The following SMAP1 variants were observed in gnomAD, a reference collection of about 807,000 sequenced individuals.
The protein encoded by SMAP1 is small ArfGAP 1.
SMAP1 carries 24 observed loss-of-function variants against 58.5 expected under a neutral mutation model. That is an observed-to-expected ratio of 0.41 (90% CI 0.30 to 0.58). The LOEUF is 0.58. SMAP1 is among the 20% of genes least tolerant of loss of function. SMAP1 has a pLI of 0.29. For missense variants in SMAP1, 563 were observed against 566.3 expected, an observed-to-expected ratio of 0.99 and a Z score of 0.06; for synonymous variants, 216 against 196.6, an observed-to-expected ratio of 1.10 and a Z score of -0.82.
In SMAP1 at chr6:70,712,072, T is replaced by C. The variant is rs181414926; in HGVS notation, c.119-20306T>C. 3.0e-3 allele frequency among the ~76,000 whole-genome samples: 455 copies of C among 152,358 alleles called. 3 individuals carry two copies. Among genetic ancestry groups the C allele is most frequent in the African/African-American group, 0.01 (424 of 41,598 alleles). ...TATTATGTTTGCTTTGAGTTTTTCA[T>C]AAATGGCCTTTATTATGTTGAGGAA... is the stretch of plus-strand genomic sequence containing the variant. On this transcript the variant is annotated intron_variant, in intron 1 of 10. Transcript: ENST00000370455.
rs574383888 is a variant in SMAP1 at position 70,820,479 on chromosome 6, A to G, written c.577-16462A>G. Among the ~76,000 whole-genome samples, 10 of 152,330 alleles carry G rather than the reference A, an allele frequency of 6.6e-5. No homozygotes were observed. The South Asian group carries it at 1.9e-3, about 28-fold the overall frequency. On this transcript the variant is annotated intron_variant, in intron 6 of 10. Coordinates refer to ENST00000370455, the MANE Select transcript of SMAP1 (RefSeq NM_001044305.3). Reference sequence around the variant, plus strand: ...GTAGTCCCAGCACTTTGGGAGGCCGAGGCGGGCGGATCATGAGGTCAGGAG... The same window carrying G: ...GTAGTCCCAGCACTTTGGGAGGCCGGGGCGGGCGGATCATGAGGTCAGGAG...
At chr6:70,732,564 A>G (rs1039326150) in intron 2 of SMAP1, 53 bp downstream of exon 2, 61 of 1,399,136 alleles carry the variant, frequency 4.4e-5, no homozygotes, top group Non-Finnish European at 5.5e-5. Context: ...TGATTTAAAA[A>G]TATTTAACCC....
intron 1 of SMAP1, among the ~76,000 whole-genome samples, chr6:70,723,962 C>G (rs1160897932): frequency 6.6e-6 from 1 of 151,402 alleles, no homozygotes; most frequent in Non-Finnish European, 1.5e-5. Context: ...ACACAATTTT[C>G]TTACCAAGTA....
At chr6:70,816,958 C>G (rs546105827) in intron 6 of SMAP1, among the ~76,000 whole-genome samples, 1 of 151,802 alleles carries the variant, frequency 6.6e-6, no homozygotes, top group African/African-American at 2.4e-5. Context: ...ACAAAAGAAG[C>G]AAATGTCTAT....
In SMAP1 at chr6:70,740,038, A is replaced by C. The variant is rs535402094; in HGVS notation, c.252+7527A>C. Among the ~76,000 whole-genome samples, 8 of 152,172 alleles carry C rather than the reference A, an allele frequency of 5.3e-5. No homozygotes were observed. The South Asian group carries it at 1.2e-3, about 24-fold the overall frequency. On this transcript the variant is annotated intron_variant, in intron 2 of 10. Transcript: ENST00000370455. ...AGCTAGTTCTGAAGTAGTAGGTTAC[A>C]GTTTTAATCTGTTTTTTGGGAAAAG...
At chr6:70,844,650 G>T (rs1770922591) in intron 7 of SMAP1, among the ~76,000 whole-genome samples, 1 of 152,164 alleles carries the variant, frequency 6.6e-6, no homozygotes, top group Admixed American at 6.5e-5. Context: ...AATAGCTCCA[G>T]TTAGCTCTCA....
chr6:70,840,104 A>G (rs1770746918), intron 7 of SMAP1, among the ~76,000 whole-genome samples: 1 of 152,248 alleles, frequency 6.6e-6, no homozygotes, highest in South Asian at 2.1e-4. Context: ...ATGACAGCAT[A>G]TCTCCGTATG....
intron 6 of SMAP1, among the ~76,000 whole-genome samples, chr6:70,810,861 A>G (rs1341330848): frequency 2.0e-5 from 3 of 152,154 alleles, no homozygotes; most frequent in Admixed American, 6.5e-5. Flanking sequence ...ATTGATACAT[A>G]TACTGTGCCT....
chr6:70,860,670 T>A lies in SMAP1; in HGVS notation c.*336T>A, dbSNP rs1771679438. On this transcript the variant is annotated 3_prime_UTR_variant, in exon 11 of 11. Transcript: ENST00000370455. ...CATATAAGGGAAGTAGTTATCATGT[T>A]AGTAATACCTCTAATAGTATAAACC... 1 of 416,746 alleles carries A rather than the reference T, an allele frequency of 2.4e-6. No homozygotes were observed. Among genetic ancestry groups the A allele is most frequent in the Admixed American group, 4.1e-5 (1 of 24,638 alleles). 25.8% of individuals were successfully genotyped at this position (416,746 alleles called of 1,614,324 possible). A position where few individuals can be genotyped will look rare whatever the true frequency, so the allele number is the denominator to read the frequency against.
At chr6:70,668,526 A>G in intron 1 of SMAP1, 3 of 1,518,252 alleles carry the variant, frequency 2.0e-6, no homozygotes, top group Non-Finnish European at 2.6e-6. Context: ...CTCTGCTCAT[A>G]GCTATCTCTG....
intron 1 of SMAP1, chr6:70,694,660 T>A (rs1767323957): frequency 6.6e-6 from 1 of 152,428 alleles, no homozygotes; most frequent in Non-Finnish European, 1.5e-5. Flanking sequence ...TGCAGAAGAA[T>A]CCAGAGTAAT....
intron 4 of SMAP1, among the ~76,000 whole-genome samples, chr6:70,775,752 A>G (rs1767521311): frequency 6.6e-6 from 1 of 152,198 alleles, no homozygotes; most frequent in Non-Finnish European, 1.5e-5. Flanking sequence ...TTATAGTACT[A>G]TTGAAATAAA....
At chr6:70,816,589 CATTT>C (rs889650034) in intron 6 of SMAP1, among the ~76,000 whole-genome samples, 1 of 152,166 alleles carries the variant, frequency 6.6e-6, no homozygotes, top group African/African-American at 2.4e-5. Flanking sequence ...TTATCAGATT[CATTT>C]ATTTATTCAC....
intron 1 of SMAP1, among the ~76,000 whole-genome samples, chr6:70,716,303 G>A (rs1198172365): frequency 6.6e-6 from 1 of 152,202 alleles, no homozygotes; most frequent in Admixed American, 6.5e-5. Flanking sequence ...ATGGGAGACA[G>A]TGACAGGCAT....
chr6:70,721,881 C>A (rs1768543158), intron 1 of SMAP1, among the ~76,000 whole-genome samples: 1 of 152,128 alleles, frequency 6.6e-6, no homozygotes, highest in East Asian at 1.9e-4. Context: ...AAGACCGGCC[C>A]CCATGATTCA....
intron 1 of SMAP1, among the ~76,000 whole-genome samples, chr6:70,726,764 G>A (rs1189965797): frequency 6.6e-6 from 1 of 151,922 alleles, no homozygotes; most frequent in Non-Finnish European, 1.5e-5. Context: ...ATACTTAATA[G>A]TGATTTATCA....
intron 1 of SMAP1, among the ~76,000 whole-genome samples, chr6:70,712,397 T>C (rs1368980770): frequency 1.3e-5 from 2 of 152,374 alleles, no homozygotes; most frequent in African/African-American, 2.4e-5. Context: ...CAGCTTTCTT[T>C]CCTTGTGGCA....
At chr6:70,674,883 G>T (rs2128548744) in intron 1 of SMAP1, among the ~76,000 whole-genome samples, 1 of 152,310 alleles carries the variant, frequency 6.6e-6, no homozygotes, top group East Asian at 1.9e-4. Context: ...ACTGAGGCAG[G>T]AGAATTGCTT....
intron 3 of SMAP1, among the ~76,000 whole-genome samples, chr6:70,767,077 G>A (rs1337362297): frequency 1.4e-4 from 22 of 152,084 alleles, no homozygotes; most frequent in Non-Finnish European, 2.8e-4. Context: ...CGTTATTTCT[G>A]AGGGCTCTGT....
Sources: gnomAD v4.1 joint callset for allele counts (sites outside exome capture counted in the v4.1 genomes callset) on GRCh38, gnomAD v4.1.1 for gene constraint, MANE v1.5 for transcripts, NCBI Gene and HGNC (gene_info 2026-07-23, HGNC 2026-07-21) for gene names.